Variants in UIMC1 observed in about 807,000 individuals in gnomAD.
The protein encoded by UIMC1 is BRCA1-A complex subunit RAP80.
Under a neutral mutation model 84.9 loss-of-function variants are expected in UIMC1, and 42 were observed. The ratio of observed to expected loss-of-function variants is 0.49; its 90% CI spans 0.39 to 0.64. The LOEUF (loss-of-function observed/expected upper bound fraction) is 0.64, where lower values mean the gene tolerates loss of function less well. Ranked by LOEUF, UIMC1 falls within the 30% of genes least tolerant of loss-of-function variation. The pLI, the probability that UIMC1 is intolerant of heterozygous loss-of-function variation, is 0.00. For missense variants in UIMC1, 825 were observed against 847.6 expected (o/e 0.97, Z 0.33); for synonymous variants, 281 against 293.0 (o/e 0.96, Z 0.42).
intron 1 of UIMC1, chr5:177,006,238 G>GC (rs1775248335): frequency 6.6e-6 from 1 of 152,322 alleles, no homozygotes; most frequent in African/African-American, 2.4e-5. Context: ...GTTCCGAGGG[G>GC]CCCTGCGTGG....
chr5:176,963,157 TAAAAAAAAAAAA>T lies in UIMC1; in HGVS notation c.1201-5015_1201-5004del, dbSNP rs70991588. On this transcript the variant is annotated intron_variant, in intron 6 of 14. Transcript: ENST00000511320. ...AAGAATTATCAATAAAAAAATAAAT[TAAAAAAAAAAAA>T]AAAAAAAAAAAAAAAAAATTCAAAG... 9.3e-4 allele frequency among the ~76,000 whole-genome samples: 13 copies of T among 13,966 alleles called. 2 individuals are homozygous for T. The South Asian group carries it at 0.014, about 15-fold the overall frequency. 9.2% of individuals were successfully genotyped at this position (13,966 alleles called of 152,430 possible).
In UIMC1 at chr5:176,951,593, G is replaced by A. The variant is rs1462835333; in HGVS notation, c.1340-16C>T. On this transcript the variant is annotated splice_polypyrimidine_tract_variant and intron_variant, in intron 8 of 14. Coordinates refer to ENST00000511320, the MANE Select transcript of UIMC1 (RefSeq NM_001199298.2). ...AGCTGGGTCTCTGTAATTTAAAAAAGTTAAAATCCCATTAATTTTCATTTT... is the reference window on the plus strand; with the variant it reads ...AGCTGGGTCTCTGTAATTTAAAAAAATTAAAATCCCATTAATTTTCATTTT... The A allele has an allele frequency of 6.6e-7, 1 of 1,520,594 alleles. No individual in the cohort carries two copies. Among genetic ancestry groups the A allele is most frequent in the Non-Finnish European group, 8.8e-7 (1 of 1,134,060 alleles). 94.2% of individuals were successfully genotyped at this position (1,520,594 alleles called of 1,614,324 possible). A position where few individuals can be genotyped will look rare whatever the true frequency, so the allele number is the denominator to read the frequency against.
chr5:176,991,064 G>C (rs1169668939), intron 1 of UIMC1, among the ~76,000 whole-genome samples: 2 of 151,930 alleles, frequency 1.3e-5, no homozygotes, highest in South Asian at 4.2e-4. Context: ...CCAGACTGCA[G>C]TGGCACTATC....
At chr5:176,965,669 TAGTATTA>T (rs1768186006) in intron 6 of UIMC1, among the ~76,000 whole-genome samples, 1 of 152,154 alleles carries the variant, frequency 6.6e-6, no homozygotes, top group African/African-American at 2.4e-5. Context: ...CTGCAGCAAA[TAGTATTA>T]ACTGATAATA....
At chr5:176,965,816 C>T (rs1768208865) in intron 6 of UIMC1, among the ~76,000 whole-genome samples, 1 of 152,220 alleles carries the variant, frequency 6.6e-6, no homozygotes, top group Admixed American at 6.5e-5. Context: ...CTTGACACAA[C>T]ACAGAACTTG....
chr5:176,984,569 G>A (rs1015334914), intron 1 of UIMC1, among the ~76,000 whole-genome samples: 2 of 151,890 alleles, frequency 1.3e-5, no homozygotes, highest in South Asian at 2.1e-4. Context: ...CGCCCCATCT[G>A]GGAGGTGTAC....
chr5:176,991,630 CAAAAA>C (rs57753076), intron 1 of UIMC1, among the ~76,000 whole-genome samples: 1 of 78,826 alleles, frequency 1.3e-5, no homozygotes, highest in Non-Finnish European at 2.4e-5. Context: ...AACTCCGTCT[CAAAAA>C]AAAAAAAAAA....
chr5:176,949,084 C>G (rs1581495385), intron 9 of UIMC1, among the ~76,000 whole-genome samples: 2 of 151,632 alleles, frequency 1.3e-5, no homozygotes, highest in African/African-American at 4.8e-5. Flanking sequence ...CTCCAGTTTT[C>G]CCCTTTTTAA....
At chr5:176,969,346 C>T (rs1768847348) in intron 5 of UIMC1, 55 bp from the exon 6 acceptor site, 2 of 1,538,604 alleles carry the variant, frequency 1.3e-6, no homozygotes, top group African/African-American at 1.4e-5. Context: ...ATTAAGAGGG[C>T]TTGGTAAGTT....
chr5:176,929,244 G>A (rs973928931), intron 10 of UIMC1, among the ~76,000 whole-genome samples: 1 of 145,968 alleles, frequency 6.9e-6, no homozygotes, highest in African/African-American at 2.5e-5. Context: ...GACAGAGCAA[G>A]ACTCCATCTC....
chr5:176,955,989 T>C lies in UIMC1; in HGVS notation c.1309A>G (p.Ser437Gly). Residue 437 changes from serine to glycine, a missense_variant, in exon 8 of 15, where the codon AGT (serine) becomes GGT (glycine). By Grantham distance (56) the Ser-to-Gly change is moderately conservative. Coordinates refer to ENST00000511320, the MANE Select transcript of UIMC1 (RefSeq NM_001199298.2). ...SKRSLVLMPE[S>G]SAEEITVCPE... ...CAAACAGTGATTTCTTCTGCAGAAC[T>C]CTCTGGCATAAGGACTAAGCTTCTC... is the stretch of plus-strand genomic sequence containing the variant. 1 of 1,613,650 alleles carries C rather than the reference T, an allele frequency of 6.2e-7. No individual in the cohort carries two copies. The highest frequency in any genetic ancestry group is 8.5e-7 in the Non-Finnish European group (1 of 1,179,728).
At chr5:176,982,824 C>T (rs910746066) in intron 1 of UIMC1, among the ~76,000 whole-genome samples, 2 of 152,134 alleles carry the variant, frequency 1.3e-5, no homozygotes, top group African/African-American at 4.8e-5. Context: ...CTCAGCCTCC[C>T]GAGTAGCTGG....
chr5:176,922,595 A>G (rs961354794), intron 10 of UIMC1, among the ~76,000 whole-genome samples: 3 of 152,214 alleles, frequency 2.0e-5, no homozygotes, highest in Non-Finnish European at 4.4e-5. Context: ...TCCTTATATA[A>G]TACTTCGTCT....
intron 10 of UIMC1, among the ~76,000 whole-genome samples, chr5:176,934,685 T>G (rs931989478): frequency 6.6e-6 from 1 of 152,228 alleles, no homozygotes; most frequent in Non-Finnish European, 1.5e-5. Flanking sequence ...GTAAAAGGGT[T>G]TTCCTTTACT....
chr5:176,984,347 A>AGGTGTACCCAAC (rs1771612740), intron 1 of UIMC1, among the ~76,000 whole-genome samples: 1 of 124,928 alleles, frequency 8.0e-6, no homozygotes. Flanking sequence ...CCCGTCTGGG[A>AGGTGTACCCAAC]AGTGAGGAGT....
upstream of UIMC1, among the ~76,000 whole-genome samples, chr5:177,008,117 AAGAG>A (rs1554139447): frequency 4.9e-3 from 747 of 151,552 alleles, 6 homozygotes; most frequent in African/African-American, 0.015. Flanking sequence ...AAAAAAAAAA[AAGAG>A]AGAGAGAGAC....
intron 9 of UIMC1, among the ~76,000 whole-genome samples, chr5:176,950,465 T>C (rs1195793520): frequency 2.0e-5 from 3 of 152,116 alleles, no homozygotes; most frequent in Non-Finnish European, 4.4e-5. Flanking sequence ...AATCTTTATT[T>C]CTACTGAGGA....
At chr5:177,017,486 C>G (rs1431936711) in intron 1 of UIMC1, among the ~76,000 whole-genome samples, 5 of 152,158 alleles carry the variant, frequency 3.3e-5, no homozygotes, top group Non-Finnish European at 7.3e-5. Flanking sequence ...CTCCTGGGTT[C>G]AAGCAATTCT....
At chr5:176,944,415 A>G (rs1422382992) in intron 9 of UIMC1, among the ~76,000 whole-genome samples, 1 of 152,250 alleles carries the variant, frequency 6.6e-6, no homozygotes, top group Non-Finnish European at 1.5e-5. Context: ...GATCAGAGCC[A>G]AGAACTCTGC....
Sources: gnomAD v4.1 joint callset for allele counts (sites outside exome capture counted in the v4.1 genomes callset) on GRCh38, gnomAD v4.1.1 for gene constraint, MANE v1.5 for transcripts, NCBI Gene and HGNC (gene_info 2026-07-23, HGNC 2026-07-21) for gene names.